AKAP9: variants seen among roughly 807,000 people sequenced by gnomAD.
AKAP9 encodes A-kinase anchor protein 9.
A neutral mutation model predicts 488.5 loss-of-function variants in AKAP9; 311 were observed. The observed-to-expected ratio is 0.64, with a 90% CI of 0.58 to 0.70. AKAP9 has a LOEUF of 0.70. Ranked by LOEUF, AKAP9 falls within the 30% of genes least tolerant of loss-of-function variation. AKAP9 has a pLI of 0.00. For missense variants in AKAP9, 4,215 were observed against 4,374.5 expected (o/e 0.96, Z 1.03); for synonymous variants, 1,462 against 1,483.5 (o/e 0.99, Z 0.33).
Position 92,045,329 on chromosome 7 carries a change from C to A in AKAP9, c.5368+116C>A, listed in dbSNP as rs568010753. 2.8e-5 allele frequency: 27 copies of A among 980,744 alleles called. No individual in the cohort carries two copies. The South Asian group carries it at 3.4e-4, about 12-fold the overall frequency. 60.8% of individuals were successfully genotyped at this position (980,744 alleles called of 1,614,324 possible). A position where few individuals can be genotyped will look rare whatever the true frequency, so the allele number is the denominator to read the frequency against. On this transcript the variant is annotated intron_variant, in intron 21 of 49. Transcript: ENST00000356239. The stretch of plus-strand genomic sequence containing the variant: ...AATAAGTATTTTCCAGCAAATGGAC[C>A]TTCAAACAGAAATACATTAGAGCAA...
At chr7:91,956,048 C>G (rs531209042) in intron 1 of AKAP9, among the ~76,000 whole-genome samples, 41 of 152,130 alleles carry the variant, frequency 2.7e-4, no homozygotes, top group Non-Finnish European at 3.2e-4. Flanking sequence ...AAAAAAGAGT[C>G]TTTACTATGC....
intron 15 of AKAP9, 34 bp downstream of exon 15, chr7:92,030,025 T>TA: frequency 7.4e-7 from 1 of 1,358,674 alleles, no homozygotes; most frequent in Non-Finnish European, 1.0e-6. Flanking sequence ...TTTTAACTGT[T>TA]ATATACACTG....
At chr7:91,990,749 A>G (rs888141033) in intron 3 of AKAP9, among the ~76,000 whole-genome samples, 6 of 152,236 alleles carry the variant, frequency 3.9e-5, no homozygotes, top group African/African-American at 1.4e-4. Flanking sequence ...TAATACTGAC[A>G]TAATCACTCC....
chr7:92,008,850 G>C (rs1350363012), intron 8 of AKAP9, among the ~76,000 whole-genome samples: 2 of 151,576 alleles, frequency 1.3e-5, no homozygotes, highest in East Asian at 3.9e-4. Context: ...GCTGGGCATG[G>C]TAGCGTGCAC....
At chr7:92,024,620 T>C (rs1005885624) in intron 14 of AKAP9, among the ~76,000 whole-genome samples, 1 of 152,074 alleles carries the variant, frequency 6.6e-6, no homozygotes, top group South Asian at 2.1e-4. Context: ...CTGCACATAA[T>C]AGGTACTCAA....
chr7:92,075,557 G>C (rs1473565207), intron 28 of AKAP9, among the ~76,000 whole-genome samples: 1 of 152,206 alleles, frequency 6.6e-6, no homozygotes, highest in East Asian at 1.9e-4. Context: ...TAGAGTGGAA[G>C]ATTCAGAGAT....
At position 92,107,409 on chromosome 7, in the gene AKAP9, C is replaced by T; in HGVS notation, c.11533C>T (p.Pro3845Ser). Reference protein sequence around the residue: ...SDLDYIRSPLPFQNRYPGTPA... With the variant: ...SDLDYIRSPLSFQNRYPGTPA... ...TCTGGACTATATTAGGTCCCCTTTA[C>T]CATTTCAGAATAGGTAAGAATATGA... Residue 3845 changes from proline to serine, a missense_variant, in exon 48 of 50, where the codon CCA becomes TCA. Coordinates refer to ENST00000356239, the MANE Select transcript of AKAP9 (RefSeq NM_005751.5). 1.9e-6 allele frequency: 3 copies of T among 1,613,506 alleles called. No individual in the cohort carries two copies. The highest frequency in any genetic ancestry group is 2.5e-6 in the Non-Finnish European group (3 of 1,179,760).
intron 10 of AKAP9, 98 bp from the exon 11 acceptor site, chr7:92,016,031 C>A: frequency 1.0e-6 from 1 of 967,716 alleles, no homozygotes; most frequent in Non-Finnish European, 1.6e-6. Context: ...TTTTGTGTGC[C>A]ATTTTGACCG....
At position 92,079,154 on chromosome 7, in the gene AKAP9, G is replaced by A; in HGVS notation, c.7021G>A (p.Val2341Met). The A allele has an allele frequency of 6.2e-7, 1 of 1,613,898 alleles. No homozygotes were observed. The highest frequency in any genetic ancestry group is 8.5e-7 in the Non-Finnish European group (1 of 1,179,906). ...IECLMSDQEC[V>M]KRNREEEIEQ... ...ATGTTTGATGAGTGATCAAGAATGT[G>A]TGAAGAGAAATAGAGAAGAAGAAAT... Residue 2341 changes from valine to methionine, a missense_variant, in exon 31 of 50, where the codon GTG becomes ATG. Coordinates refer to ENST00000356239, the MANE Select transcript of AKAP9 (RefSeq NM_005751.5).
chr7:92,025,056 T>G (rs577816255), intron 14 of AKAP9, among the ~76,000 whole-genome samples: 1 of 152,280 alleles, frequency 6.6e-6, no homozygotes, highest in South Asian at 2.1e-4. Flanking sequence ...ACTCAATAGC[T>G]TTGAGATGGA....
At chr7:92,034,643 G>A (rs2130766094) in intron 16 of AKAP9, among the ~76,000 whole-genome samples, 1 of 150,352 alleles carries the variant, frequency 6.7e-6, no homozygotes, top group Non-Finnish European at 1.5e-5. Context: ...TGGGATTGCA[G>A]GCACGCACCA....
chr7:91,945,915 T>C (rs956599784), intron 1 of AKAP9, among the ~76,000 whole-genome samples: 1 of 152,240 alleles, frequency 6.6e-6, no homozygotes, highest in Non-Finnish European at 1.5e-5. Flanking sequence ...TTATTACTCA[T>C]GTAAATTTGC....
Position 92,079,173 on chromosome 7 carries a change from A to G in AKAP9, c.7040A>G (p.Glu2347Gly). ...GAATGTGTGAAGAGAAATAGAGAAG[A>G]AGAAATAGAGCAGCTCAATGAAGTG... ...DQECVKRNRE[E>G]EIEQLNEVIE... is the part of the protein sequence containing the mutation. Residue 2347 changes from glutamate to glycine, a missense_variant, in exon 31 of 50, where the codon GAA becomes GGA. Physicochemically the swap from Glu to Gly is moderately conservative, Grantham distance 98. Around this residue, in one of 5 missense-constraint regions of AKAP9, gnomAD observed 1,476 missense variants for 1,477.4 expected, o/e 1.00. Transcript: ENST00000356239. The G allele has an allele frequency of 2.5e-6, 4 of 1,614,024 alleles. No homozygotes were observed. The highest frequency in any genetic ancestry group is 3.4e-6 in the Non-Finnish European group (4 of 1,179,968).
chr7:92,028,801 C>T (rs1803748130), intron 14 of AKAP9, among the ~76,000 whole-genome samples: 1 of 152,150 alleles, frequency 6.6e-6, no homozygotes, highest in Non-Finnish European at 1.5e-5. Context: ...TTAACAATTA[C>T]TTATAAGATT....
At chr7:92,015,551 A>T (rs986143848) in intron 10 of AKAP9, among the ~76,000 whole-genome samples, 2 of 151,860 alleles carry the variant, frequency 1.3e-5, no homozygotes, top group East Asian at 3.9e-4. Flanking sequence ...TTTAGTAGAG[A>T]TGGGGTTTTG....
intron 37 of AKAP9, among the ~76,000 whole-genome samples, chr7:92,087,877 A>T (rs1814863055): frequency 6.6e-6 from 1 of 150,778 alleles, no homozygotes; most frequent in African/African-American, 2.4e-5. Context: ...ATACTGATAT[A>T]AATAAATAAA....
At chr7:92,008,273 A>C (rs1263352358) in intron 8 of AKAP9, among the ~76,000 whole-genome samples, 1 of 152,166 alleles carries the variant, frequency 6.6e-6, no homozygotes, top group Non-Finnish European at 1.5e-5. Flanking sequence ...AGGCTGAGGC[A>C]GGAGAATTGA....
chr7:91,948,605 CTTTTTTTTT>C (rs55928500), intron 1 of AKAP9, among the ~76,000 whole-genome samples: 67,592 of 111,342 alleles, frequency 0.61, 17,517 homozygotes, highest in East Asian at 0.81. Flanking sequence ...TTGTAGATTT[CTTTTTTTTT>C]TTTTTTTTTT....
intron 1 of AKAP9, among the ~76,000 whole-genome samples, chr7:91,941,732 T>C (rs1352224228): frequency 6.6e-6 from 1 of 152,234 alleles, no homozygotes; most frequent in Non-Finnish European, 1.5e-5. Context: ...CTTGAAGGTC[T>C]TTGTCATGGC....
Sources: gnomAD v4.1 joint callset for allele counts (sites outside exome capture counted in the v4.1 genomes callset) on GRCh38, gnomAD v4.1.1 for gene constraint, gnomAD v4.1.1 regional missense constraint, MANE v1.5 for transcripts, NCBI Gene and HGNC (gene_info 2026-07-23, HGNC 2026-07-21) for gene names.